Variants in DMXL1 observed in about 807,000 individuals in gnomAD.
DMXL1 encodes the protein Dmx like 1.
A neutral mutation model predicts 319.2 loss-of-function variants in DMXL1; 99 were observed. The ratio of observed to expected loss-of-function variants is 0.31; its 90% CI spans 0.26 to 0.37. DMXL1 has a LOEUF of 0.37. Ranked by LOEUF, DMXL1 falls within the 10% of genes least tolerant of loss-of-function variation. DMXL1 has a pLI of 1.00. For synonymous variants in DMXL1, 1,385 were observed against 1,235.2 expected, an observed-to-expected ratio of 1.12 and a Z score of -2.54; for missense variants, 3,745 against 3,595.6, an observed-to-expected ratio of 1.04 and a Z score of -1.06.
At position 119,116,374 on chromosome 5, in the gene DMXL1, A is replaced by T. The variant is rs369360577; in HGVS notation, c.743+38A>T. 293 of 1,579,336 alleles carry T rather than the reference A, an allele frequency of 1.9e-4. 4 individuals carry two copies. The South Asian group carries it at 3.2e-3, about 17-fold the overall frequency. ...GTCATTTCCCTCCACATATTAAGGG[A>T]GCATCATCTTTGTTACTTTGATTGC... is the stretch of plus-strand genomic sequence containing the variant. On this transcript the variant is annotated intron_variant, in intron 7 of 43. Coordinates refer to ENST00000539542, the MANE Select transcript of DMXL1 (RefSeq NM_001290321.3).
rs905972361 is a variant in DMXL1 at position 119,071,744 on chromosome 5, C to T, written c.87+88C>T. The T allele has an allele frequency of 1.2e-5, 16 of 1,281,494 alleles. No homozygotes were observed. In the Admixed American group the frequency reaches 3.7e-4, roughly 29 times the overall value. 79.4% of individuals were successfully genotyped at this position (1,281,494 alleles called of 1,614,324 possible). On this transcript the variant is annotated intron_variant, in intron 1 of 43. Transcript: ENST00000539542. ...CTTGGCCCAGAACGACGGGCAGAGG[C>T]GCGAGGTCTTGTCTCCCCAGGGGGG...
At chr5:119,174,996 C>A (rs1285143658) in intron 25 of DMXL1, among the ~76,000 whole-genome samples, 1 of 152,116 alleles carries the variant, frequency 6.6e-6, no homozygotes, top group Non-Finnish European at 1.5e-5. Flanking sequence ...GACATCTGTT[C>A]CCCTTTGCTC....
At chr5:119,147,159 C>A in intron 16 of DMXL1, 90 bp from the exon 17 acceptor site, 1 of 1,215,342 alleles carries the variant, frequency 8.2e-7, no homozygotes, top group South Asian at 1.4e-5. Flanking sequence ...TTATCTTTTA[C>A]AAGGCAGTTT....
intron 43 of DMXL1, among the ~76,000 whole-genome samples, chr5:119,245,752 A>G (rs897237137): frequency 6.6e-6 from 1 of 151,880 alleles, no homozygotes; most frequent in Non-Finnish European, 1.5e-5. Context: ...GTTGGCCAGG[A>G]TGGTCTCGAT....
chr5:119,131,677 A>G (rs1764929124), intron 10 of DMXL1, among the ~76,000 whole-genome samples: 1 of 152,236 alleles, frequency 6.6e-6, no homozygotes, highest in Admixed American at 6.5e-5. Flanking sequence ...GAACATCTGC[A>G]TTGAGAAGCC....
At position 119,133,185 on chromosome 5, in the gene DMXL1, G is replaced by C; in HGVS notation, c.1369G>C (p.Gly457Arg). 1 of 1,614,164 alleles carries C rather than the reference G, an allele frequency of 6.2e-7. No individual in the cohort carries two copies. Among genetic ancestry groups the C allele is most frequent in the Non-Finnish European group, 8.5e-7 (1 of 1,180,020 alleles). The change falls in exon 11 of 44, where the codon GGC becomes CGC. Residue 457 changes from glycine to arginine, a missense_variant. By Grantham distance (125) the Gly-to-Arg change is moderately radical. Transcript: ENST00000539542. The part of the protein sequence containing the change: ...LKINPEKKEL[G>R]CDKMVPNSSF... ...AATAAATCCCGAAAAGAAGGAATTAGGCTGTGATAAAATGGTACCAAACTC... is the reference window on the plus strand; with the variant it reads ...AATAAATCCCGAAAAGAAGGAATTACGCTGTGATAAAATGGTACCAAACTC...
At chr5:119,113,296 T>C (rs1760079660) in intron 5 of DMXL1, among the ~76,000 whole-genome samples, 2 of 152,178 alleles carry the variant, frequency 1.3e-5, no homozygotes, top group Non-Finnish European at 2.9e-5. Context: ...AGGCTGAGTA[T>C]GGTGGCGTGA....
intron 28 of DMXL1, among the ~76,000 whole-genome samples, chr5:119,178,902 T>C (rs1465035762): frequency 6.6e-6 from 1 of 152,228 alleles, no homozygotes; most frequent in East Asian, 1.9e-4. Context: ...ATTCTTTGTT[T>C]TTTATATTTC....
chr5:119,211,993 G>T (rs966302512), intron 34 of DMXL1, among the ~76,000 whole-genome samples: 11 of 152,190 alleles, frequency 7.2e-5, no homozygotes, highest in Non-Finnish European at 1.2e-4. Flanking sequence ...TCTAAGGGCA[G>T]CTCTGTGGAA....
chr5:119,203,209 C>A, intron 32 of DMXL1, 110 bp from the exon 33 acceptor site: 2 of 658,228 alleles, frequency 3.0e-6, no homozygotes, highest in South Asian at 2.3e-5. Flanking sequence ...TCCAGTCATA[C>A]AGTCTGATTG....
At position 119,224,705 on chromosome 5, in the gene DMXL1, C is replaced by T; in HGVS notation, c.8278-4C>T. ...CCTATAAAATAATTTTTCTATTTTA[C>T]CAGATGATTAAGAAAGCCATTAATA... is the stretch of plus-strand genomic sequence containing the variant. On this transcript the variant is annotated splice_polypyrimidine_tract_variant and splice_region_variant and intron_variant, in intron 37 of 43. Coordinates refer to ENST00000539542, the MANE Select transcript of DMXL1 (RefSeq NM_001290321.3). The T allele has an allele frequency of 1.6e-6, 2 of 1,213,038 alleles. No homozygotes were observed. The highest frequency in any genetic ancestry group is 2.2e-6 in the Non-Finnish European group (2 of 895,982). The allele number at this position is 1,213,038 out of a possible 1,614,324, so 75.1% of individuals were successfully genotyped here.
chr5:119,091,638 C>G (rs1295840958), intron 1 of DMXL1, among the ~76,000 whole-genome samples: 1 of 152,174 alleles, frequency 6.6e-6, no homozygotes, highest in Non-Finnish European at 1.5e-5. Flanking sequence ...AGCCACTGCC[C>G]CTTTTTAGGC....
chr5:119,123,507 C>G (rs969769705), intron 9 of DMXL1, among the ~76,000 whole-genome samples: 2 of 151,336 alleles, frequency 1.3e-5, no homozygotes, highest in African/African-American at 4.9e-5. Flanking sequence ...AGCAAGCTCA[C>G]TGATTTCTGT....
chr5:119,209,395 G>C (rs1428385320), intron 34 of DMXL1, among the ~76,000 whole-genome samples: 5 of 150,348 alleles, frequency 3.3e-5, no homozygotes, highest in Non-Finnish European at 7.4e-5. Flanking sequence ...GTGTCTCCCA[G>C]GCTGGGTGTA....
chr5:119,130,453 C>T (rs1426373386), intron 10 of DMXL1, among the ~76,000 whole-genome samples: 3 of 152,088 alleles, frequency 2.0e-5, no homozygotes, highest in Non-Finnish European at 4.4e-5. Context: ...AGCAATTCTC[C>T]TGCCTCAGCC....
intron 1 of DMXL1, among the ~76,000 whole-genome samples, chr5:119,072,608 G>A (rs1210582931): frequency 6.6e-6 from 1 of 152,118 alleles, no homozygotes; most frequent in African/African-American, 2.4e-5. Context: ...AATGCCCCAG[G>A]TTTAGGAGTG....
chr5:119,082,042 CACACACACACACACAT>C (rs1752358845), intron 1 of DMXL1, among the ~76,000 whole-genome samples: 2 of 148,184 alleles, frequency 1.3e-5, no homozygotes, highest in African/African-American at 5.0e-5. Flanking sequence ...CACACACACA[CACACACACACACACAT>C]ACACGTATAT....
At chr5:119,224,957 T>C (rs1416724715) in intron 38 of DMXL1, among the ~76,000 whole-genome samples, 188 bp downstream of exon 38, 1 of 152,044 alleles carries the variant, frequency 6.6e-6, no homozygotes, top group Non-Finnish European at 1.5e-5. Context: ...GAAAAAGATA[T>C]TTCCCTAAAA....
rs1412794795 is a variant in DMXL1, at chr5:119,150,471, A to G, written c.4594+50A>G. ...ACATTTTTACTTACTTTCACAGAAA[A>G]TAATTTTAAATAATTTTTATTAAAA... On this transcript the variant is annotated intron_variant, in intron 18 of 43. Transcript: ENST00000539542. 4 of 1,500,620 alleles carry G rather than the reference A, an allele frequency of 2.7e-6. No individual in the cohort carries two copies. In the African/African-American group the frequency reaches 5.7e-5, roughly 21 times the overall value. 93.0% of individuals were successfully genotyped at this position (1,500,620 alleles called of 1,614,324 possible).
Sources: allele counts gnomAD v4.1 joint callset (sites outside exome capture counted in the v4.1 genomes callset), GRCh38; gene constraint gnomAD v4.1.1; transcripts MANE v1.5; gene names NCBI Gene and HGNC (gene_info 2026-07-23, HGNC 2026-07-21).